Variants in ABCC4 observed in about 807,000 individuals in gnomAD.
The protein encoded by ABCC4 is ATP-binding cassette sub-family C member 4.
In ABCC4, 102 loss-of-function variants were observed where a neutral mutation model predicts 168.5. The ratio of observed to expected loss-of-function variants is 0.61; its 90% confidence interval spans 0.52 to 0.71. ABCC4 has a LOEUF of 0.71. Among genes scored for constraint, ABCC4 ranks in the 30% least tolerant of loss-of-function variants. The pLI, the probability that ABCC4 is intolerant of heterozygous loss-of-function variation, is 0.00. For missense variants in ABCC4, 1,402 were observed against 1,605.8 expected (o/e 0.87, Z 2.17); for synonymous variants, 617 against 590.7 (o/e 1.04, Z -0.65).
rs1294082886 is a variant in ABCC4 at position 95,232,125 on chromosome 13, ATGATGGTGGTGG to A, written c.531+2473_531+2484del. ...GATGATGATGCTGCTGCTGCTGATG[ATGATGGTGGTGG>A]TGGTGGTGGTGGTGGTGGTGATGAT... is the stretch of plus-strand genomic sequence containing the variant. On this transcript the variant is annotated intron_variant, in intron 4 of 30. Coordinates refer to ENST00000645237, the MANE Select transcript of ABCC4 (RefSeq NM_005845.5). Among the ~76,000 whole-genome samples the A allele has an allele frequency of 3.3e-5, 5 of 151,006 alleles. No individual in the cohort carries two copies. The East Asian group carries it at 7.8e-4, about 24-fold the overall frequency.
chr13:95,068,517 C>T (rs552348383), intron 25 of ABCC4, among the ~76,000 whole-genome samples: 5 of 131,634 alleles, frequency 3.8e-5, no homozygotes, highest in South Asian at 3.3e-4. Context: ...TGCAGCTACT[C>T]GGGAGGCTGA....
At chr13:95,080,562 C>T (rs997446299) in intron 21 of ABCC4, among the ~76,000 whole-genome samples, 1 of 152,180 alleles carries the variant, frequency 6.6e-6, no homozygotes, top group Non-Finnish European at 1.5e-5. Context: ...CAACCTCCAC[C>T]TCCTGGGTTC....
At chr13:95,292,246 C>T (rs1216882174) in intron 1 of ABCC4, among the ~76,000 whole-genome samples, 1 of 152,102 alleles carries the variant, frequency 6.6e-6, no homozygotes, top group Non-Finnish European at 1.5e-5. Flanking sequence ...GTGGTCCCAG[C>T]TACTCAGGGG....
intron 8 of ABCC4, among the ~76,000 whole-genome samples, chr13:95,195,202 TAAAC>T (rs1294831035): frequency 6.6e-6 from 1 of 152,242 alleles, no homozygotes; most frequent in Non-Finnish European, 1.5e-5. Flanking sequence ...TGTTCCTAAA[TAAAC>T]CGAAAATACT....
intron 21 of ABCC4, among the ~76,000 whole-genome samples, chr13:95,081,838 TAATAATATGA>T: frequency 6.6e-6 from 1 of 151,966 alleles, no homozygotes; most frequent in Non-Finnish European, 1.5e-5. Context: ...CCATCTCTAC[TAATAATATGA>T]AAATAGTGAG....
chr13:95,062,183 C>T (rs926208852), intron 26 of ABCC4, among the ~76,000 whole-genome samples: 1 of 152,100 alleles, frequency 6.6e-6, no homozygotes, highest in African/African-American at 2.4e-5. Flanking sequence ...CTTTAACAAC[C>T]TCCTGGTTAA....
intron 8 of ABCC4, among the ~76,000 whole-genome samples, chr13:95,201,176 A>G (rs1382238939): frequency 1.3e-5 from 2 of 152,240 alleles, no homozygotes; most frequent in South Asian, 2.1e-4. Context: ...CCACTGGAAA[A>G]TGTAAAATTC....
chr13:95,220,911 G>A (rs978397859), intron 4 of ABCC4, among the ~76,000 whole-genome samples: 1 of 152,198 alleles, frequency 6.6e-6, no homozygotes, highest in African/African-American at 2.4e-5. Flanking sequence ...CAAGAAGCCA[G>A]AAAAGGGTAG....
At chr13:95,245,518 C>G (rs2040082086) in intron 3 of ABCC4, among the ~76,000 whole-genome samples, 1 of 152,164 alleles carries the variant, frequency 6.6e-6, no homozygotes, top group Non-Finnish European at 1.5e-5. Context: ...GCTGGGACAC[C>G]CCAGCACAGG....
At chr13:95,206,907 T>G in intron 7 of ABCC4, 126 bp from the exon 8 acceptor site, 1 of 1,035,052 alleles carries the variant, frequency 9.7e-7, no homozygotes, top group Non-Finnish European at 1.4e-6. Context: ...TTTGAGACCA[T>G]CCTGGGCAAC....
chr13:95,196,276 C>T (rs112922776), intron 8 of ABCC4, among the ~76,000 whole-genome samples: 13,391 of 152,042 alleles, frequency 0.088, 1,863 homozygotes, highest in African/African-American at 0.29. Context: ...TTTTAGCCAA[C>T]GCACAGCAGC....
chr13:95,025,264 C>A (rs2031404946), intron 30 of ABCC4, among the ~76,000 whole-genome samples: 1 of 83,412 alleles, frequency 1.2e-5, no homozygotes, highest in Non-Finnish European at 2.3e-5. Flanking sequence ...CACACACACC[C>A]CCACACCCCC....
intron 20 of ABCC4, among the ~76,000 whole-genome samples, chr13:95,114,416 C>A (rs1180757127): frequency 6.6e-6 from 1 of 152,176 alleles, no homozygotes; most frequent in African/African-American, 2.4e-5. Context: ...CAGAAACTTT[C>A]ACAAAATCTT....
intron 19 of ABCC4, among the ~76,000 whole-genome samples, chr13:95,159,093 T>TTATA (rs554884258): frequency 0.098 from 5,946 of 60,670 alleles, 557 homozygotes; most frequent in Non-Finnish European, 0.13. Flanking sequence ...TAAATAAATT[T>TTATA]TATATATATA....
In ABCC4 at chr13:95,062,715, T is replaced by C; in HGVS notation, c.3355A>G (p.Ile1119Val). The change falls in exon 26 of 31, where the codon ATC becomes GTC. Residue 1119 changes from isoleucine (I) to valine (V), a missense_variant. By Grantham distance (29) the Ile-to-Val change is conservative (BLOSUM62 3). Transcript: ENST00000645237. ...TATGACTTGCATACCTGAGGTATGA[T>C]TGACATCTTCTTCCTTAAATCGTGA... Reference protein sequence around the residue: ...GLHDLRKKMSIIPQEPVLFTG... With the variant: ...GLHDLRKKMSVIPQEPVLFTG... The C allele has an allele frequency of 4.3e-6, 7 of 1,613,812 alleles. No individual in the cohort carries two copies. The highest frequency in any genetic ancestry group is 1.7e-4 in the Middle Eastern group (1 of 6,060).
rs150935947 is a variant in ABCC4 at position 95,035,362 on chromosome 13, G to A, written c.3736-623C>T. Among the ~76,000 whole-genome samples the A allele has an allele frequency of 2.3e-4, 35 of 152,272 alleles. No homozygotes were observed. The East Asian group carries it at 6.0e-3, about 26-fold the overall frequency. On this transcript the variant is annotated intron_variant, in intron 29 of 30. Coordinates refer to ENST00000645237, the MANE Select transcript of ABCC4 (RefSeq NM_005845.5). ...GGCTCTGGGTGTACTTTATTATTCC[G>A]AGAGAGAAAGGCTAGCCGAAAAAGC...
chr13:95,058,593 G>T (rs72642352), intron 26 of ABCC4, among the ~76,000 whole-genome samples: 1 of 80,462 alleles, frequency 1.2e-5, no homozygotes, highest in Non-Finnish European at 2.3e-5. Flanking sequence ...AAAAAAAAAA[G>T]AAAAGAAAAA....
Position 95,021,563 on chromosome 13 carries a change from T to C in ABCC4, c.*12A>G. On this transcript the variant is annotated 3_prime_UTR_variant, in exon 31 of 31. Coordinates refer to ENST00000645237, the MANE Select transcript of ABCC4 (RefSeq NM_005845.5). ...AAATGCCTTCGGAACGGACTTGACA[T>C]TTTGGTTGGATTCACAGTGCTGTCT... is the stretch of plus-strand genomic sequence containing the variant. 1 of 1,574,574 alleles carries C rather than the reference T, an allele frequency of 6.4e-7. No homozygotes were observed. Among genetic ancestry groups the C allele is most frequent in the Non-Finnish European group, 8.7e-7 (1 of 1,145,544 alleles).
intron 4 of ABCC4, among the ~76,000 whole-genome samples, chr13:95,214,460 A>G (rs1221107421): frequency 6.6e-6 from 1 of 152,188 alleles, no homozygotes; most frequent in Non-Finnish European, 1.5e-5. Context: ...TCAATGAAGG[A>G]CAAAAACAAA....
Sources: allele counts gnomAD v4.1 joint callset (sites outside exome capture counted in the v4.1 genomes callset), GRCh38; gene constraint gnomAD v4.1.1; transcripts MANE v1.5; gene names NCBI Gene and HGNC (gene_info 2026-07-23, HGNC 2026-07-21).